The following TKT variants were observed in gnomAD, a reference collection of about 807,000 sequenced individuals.
TKT encodes transketolase.
Under a neutral mutation model 63.9 loss-of-function variants are expected in TKT, and 47 were observed. The observed-to-expected ratio is 0.74, with a 90% confidence interval of 0.58 to 0.94. The LOEUF is 0.94. Ranked by LOEUF, TKT falls within the 40% of genes least tolerant of loss-of-function variation. The pLI is 0.00. For synonymous variants in TKT, 338 were observed against 334.1 expected, an observed-to-expected ratio of 1.01 and a Z score of -0.13; for missense variants, 721 against 846.2, an observed-to-expected ratio of 0.85 and a Z score of 1.84.
Position 53,229,415 on chromosome 3 carries a change from C to T in TKT, c.1129G>A (p.Ala377Thr). 1.2e-6 allele frequency: 2 copies of T among 1,609,278 alleles called. No homozygotes were observed. The highest frequency in any genetic ancestry group is 1.7e-6 in the Non-Finnish European group (2 of 1,177,858). ...AAGGGCACCGTCCTGTTGCGGGTGG[C>T]ACAGCCCACCGCGATGCTCACCTGG... is the stretch of plus-strand genomic sequence containing the variant. ...QNMVSIAVGC[A>T]TRNRTVPFCS... Residue 377 changes from alanine to threonine, a missense_variant, in exon 9 of 14, where the codon GCC becomes ACC. By Grantham distance (58) the Ala-to-Thr change is moderately conservative. Coordinates refer to ENST00000462138, the MANE Select transcript of TKT (RefSeq NM_001064.4).
At chr3:53,243,774 A>C (rs62255992) in intron 1 of TKT, among the ~76,000 whole-genome samples, 20,167 of 151,914 alleles carry the variant, frequency 0.13, 1,391 homozygotes, top group African/African-American at 0.16. Context: ...CCTCAGGCTG[A>C]CCTCTCGTCC....
At chr3:53,232,975 T>G in intron 6 of TKT, 181 bp downstream of exon 6, 1 of 588,346 alleles carries the variant, frequency 1.7e-6, no homozygotes, top group Admixed American at 3.1e-5. Flanking sequence ...CGGATCTGAG[T>G]TTAAATCCTG....
chr3:53,238,782 A>G (rs1553679227), intron 4 of TKT, among the ~76,000 whole-genome samples: 1 of 152,220 alleles, frequency 6.6e-6, no homozygotes, highest in Non-Finnish European at 1.5e-5. Flanking sequence ...ATCTTGCCTC[A>G]GCTTCCTCAC....
intron 1 of TKT, among the ~76,000 whole-genome samples, chr3:53,252,487 T>TAC (rs1437996214): frequency 6.6e-6 from 1 of 152,194 alleles, no homozygotes; most frequent in Non-Finnish European, 1.5e-5. Context: ...AACATATACA[T>TAC]ACACACACAC....
chr3:53,229,847 T>C (rs1213264799), intron 8 of TKT, among the ~76,000 whole-genome samples: 4 of 152,120 alleles, frequency 2.6e-5, no homozygotes, highest in Non-Finnish European at 1.5e-5. Context: ...TTGGAAGAAC[T>C]CTGGAGATCT....
In TKT at chr3:53,231,432, T is replaced by C. The variant is rs1553677005; in HGVS notation, c.867A>G (p.Pro289=). The C allele has an allele frequency of 6.2e-7, 1 of 1,614,158 alleles. No homozygotes were observed. Residue 289 remains proline, a synonymous_variant, in exon 7 of 14, where the codon CCA becomes CCG. Coordinates refer to ENST00000462138, the MANE Select transcript of TKT (RefSeq NM_001064.4). ...TGTCCACTGAGGGTGCGTCCTCCTGTGGAGGGGTTGCCAGGATCTTCTTTT... is the reference window on the plus strand; with the variant it reads ...TGTCCACTGAGGGTGCGTCCTCCTGCGGAGGGGTTGCCAGGATCTTCTTTT... ...QSKKKILATP[P]QEDAPSVDIA... is the part of the protein sequence containing the mutation.
chr3:53,243,564 C>T (rs535390077), intron 1 of TKT: 10 of 456,526 alleles, frequency 2.2e-5, no homozygotes, highest in East Asian at 7.0e-5. Context: ...TTCTCGCACA[C>T]GATCATCTTA....
In TKT at chr3:53,225,939, TGAAAG is replaced by T. The variant is rs781989419; in HGVS notation, c.1697-13_1697-9del. The stretch of plus-strand genomic sequence containing the variant: ...CAGCCTCACCAATGCCACCTAGAAA[TGAAAG>T]GAGGGGAGTCAGAAGACGAGGCCTC... On this transcript the variant is annotated splice_polypyrimidine_tract_variant and intron_variant, in intron 13 of 13. Coordinates refer to ENST00000462138, the MANE Select transcript of TKT (RefSeq NM_001064.4). The T allele has an allele frequency of 1.0e-5, 16 of 1,601,088 alleles. No individual in the cohort carries two copies. The South Asian group carries it at 1.4e-4, about 14-fold the overall frequency.
chr3:53,250,953 T>C (rs983894904), intron 1 of TKT, among the ~76,000 whole-genome samples: 13 of 152,194 alleles, frequency 8.5e-5, no homozygotes, highest in African/African-American at 3.1e-4. Flanking sequence ...CTTTTTTTTG[T>C]AGAGATGAGG....
chr3:53,249,854 C>T (rs1553681414), intron 1 of TKT, among the ~76,000 whole-genome samples: 1 of 152,144 alleles, frequency 6.6e-6, no homozygotes, highest in Non-Finnish European at 1.5e-5. Context: ...GAAGTGTCCC[C>T]AGCACCCAGG....
intron 4 of TKT, among the ~76,000 whole-genome samples, chr3:53,238,255 AG>A: frequency 6.6e-6 from 1 of 152,366 alleles, no homozygotes. Flanking sequence ...CAGCAACTGT[AG>A]GGAATAATTA....
In TKT at chr3:53,241,249, C is replaced by CACTCCTGAG; in HGVS notation, c.226-5_226-4insCTCAGGAGT. ...AGAGGATGGGAGCTGCATGGCCCTG[C>CACTCCTGAG]CGGGAGATGGATGGTGGGGTGAGGT... On this transcript the variant is annotated splice_polypyrimidine_tract_variant and splice_region_variant and intron_variant, in intron 2 of 13. Coordinates refer to ENST00000462138, the MANE Select transcript of TKT (RefSeq NM_001064.4). The CACTCCTGAG allele has an allele frequency of 6.3e-7, 1 of 1,597,192 alleles. No homozygotes were observed. Among genetic ancestry groups the CACTCCTGAG allele is most frequent in the Non-Finnish European group, 8.5e-7 (1 of 1,174,334 alleles).
chr3:53,253,964 C>A (rs1176197990), intron 1 of TKT, among the ~76,000 whole-genome samples: 1 of 152,120 alleles, frequency 6.6e-6, no homozygotes, highest in Non-Finnish European at 1.5e-5. Flanking sequence ...CAATTCCCAG[C>A]CTGGGCAAGT....
chr3:53,252,853 T>G lies in TKT; in HGVS notation c.107+2983A>C, dbSNP rs566518695. The stretch of plus-strand genomic sequence containing the variant: ...TTGCCCAAGAGGCATTCTTTTTTTT[T>G]TTTGAGAAGAAGTTTCAATTTTGTT... On this transcript the variant is annotated intron_variant, in intron 1 of 13. Coordinates refer to ENST00000462138, the MANE Select transcript of TKT (RefSeq NM_001064.4). Among the ~76,000 whole-genome samples, 11 of 152,124 alleles carry G rather than the reference T, an allele frequency of 7.2e-5. No individual in the cohort carries two copies. The East Asian group carries it at 9.6e-4, about 13-fold the overall frequency.
chr3:53,231,674 G>T, intron 6 of TKT, 124 bp from the exon 7 acceptor site: 1 of 1,048,548 alleles, frequency 9.5e-7, no homozygotes, highest in Non-Finnish European at 1.4e-6. Context: ...CATCATCCCA[G>T]ACAGGCAGAG....
chr3:53,246,438 A>G (rs879995397), intron 1 of TKT, among the ~76,000 whole-genome samples: 3 of 152,252 alleles, frequency 2.0e-5, no homozygotes, highest in Admixed American at 6.5e-5. Flanking sequence ...AGCGAGCTAC[A>G]CTTCACAAAT....
intron 1 of TKT, among the ~76,000 whole-genome samples, chr3:53,253,855 G>A (rs1199253951): frequency 6.6e-6 from 1 of 152,036 alleles, no homozygotes; most frequent in African/African-American, 2.4e-5. Context: ...TCCCACCTTG[G>A]CCTCCCAAAG....
At position 53,228,352 on chromosome 3, in the gene TKT, C is replaced by T; in HGVS notation, c.1403G>A (p.Cys468Tyr). The part of the protein sequence containing the change: ...VELAANTKGI[C>Y]FIRTSRPENA... ...TTCTGGGCGGCTGGTCCGGATGAAG[C>T]AGATACCCTGAGACCGAAACAGATA... Residue 468 changes from cysteine (C) to tyrosine (Y), a missense_variant, in exon 11 of 14, where the codon TGC (cysteine) becomes TAC (tyrosine). By Grantham distance (194) the Cys-to-Tyr change is radical. Transcript: ENST00000462138. The T allele has an allele frequency of 6.2e-7, 1 of 1,614,078 alleles. No individual in the cohort carries two copies. The highest frequency in any genetic ancestry group is 8.5e-7 in the Non-Finnish European group (1 of 1,180,018).
intron 12 of TKT, chr3:53,227,781 C>T: frequency 2.7e-6 from 1 of 376,046 alleles, no homozygotes; most frequent in South Asian, 3.1e-5. Flanking sequence ...TGGCAGGCTC[C>T]AGGCCACTGA....
Sources: allele counts gnomAD v4.1 joint callset (sites outside exome capture counted in the v4.1 genomes callset), GRCh38; gene constraint gnomAD v4.1.1; transcripts MANE v1.5; gene names NCBI Gene and HGNC (gene_info 2026-07-23, HGNC 2026-07-21).